Variants in UNC80 observed in about 807,000 individuals in gnomAD.
UNC80 encodes protein unc-80 homolog.
In UNC80, 164 loss-of-function variants were observed where a neutral mutation model predicts 384.6. The ratio of observed to expected loss-of-function variants is 0.43; its 90% CI spans 0.38 to 0.49. The LOEUF (loss-of-function observed/expected upper bound fraction) is 0.49, where lower values mean the gene tolerates loss of function less well. UNC80 is among the 20% of genes least tolerant of loss of function. The pLI is 0.00. For missense variants in UNC80, 3,330 were observed against 4,143.0 expected (o/e 0.80, Z 5.39); for synonymous variants, 1,486 against 1,527.8 (o/e 0.97, Z 0.64).
intron 31 of UNC80, 44 bp from the exon 32 acceptor site, chr2:209,917,733 C>A: frequency 6.5e-7 from 1 of 1,546,090 alleles, no homozygotes. Flanking sequence ...AGGAACTAAG[C>A]AATATTTTAA....
chr2:209,927,340 T>A (rs1281843329), intron 36 of UNC80, among the ~76,000 whole-genome samples: 3 of 152,256 alleles, frequency 2.0e-5, no homozygotes, highest in Non-Finnish European at 4.4e-5. Flanking sequence ...CTTACGTGAT[T>A]ACCTTTCCTG....
intron 4 of UNC80, among the ~76,000 whole-genome samples, chr2:209,778,970 C>G (rs922422921): frequency 6.6e-6 from 1 of 152,162 alleles, no homozygotes; most frequent in Non-Finnish European, 1.5e-5. Context: ...CTGTCCATTG[C>G]TAGGAGAAAT....
intron 13 of UNC80, among the ~76,000 whole-genome samples, chr2:209,821,054 A>G (rs2080099303): frequency 6.6e-6 from 1 of 151,560 alleles, no homozygotes; most frequent in Non-Finnish European, 1.5e-5. Context: ...AGCTGCCATA[A>G]CAAAATACCA....
intron 15 of UNC80, 99 bp from the exon 16 acceptor site, chr2:209,831,344 A>G (rs2080952126): frequency 8.0e-7 from 1 of 1,244,276 alleles, no homozygotes; most frequent in South Asian, 1.7e-5. Flanking sequence ...TATTTCACAT[A>G]GCACTTCACT....
intron 36 of UNC80, among the ~76,000 whole-genome samples, chr2:209,927,635 T>C (rs929482918): frequency 6.6e-6 from 1 of 152,182 alleles, no homozygotes; most frequent in African/African-American, 2.4e-5. Flanking sequence ...AATGAAAATA[T>C]CTATTGCTGG....
At chr2:209,798,724 C>T (rs562420706) in intron 7 of UNC80, among the ~76,000 whole-genome samples, 52 of 151,164 alleles carry the variant, frequency 3.4e-4, no homozygotes, top group Non-Finnish European at 7.5e-4. Flanking sequence ...GTCACCCAGG[C>T]TGGAATGCAG....
chr2:209,921,051 C>A (rs370880315), intron 33 of UNC80, among the ~76,000 whole-genome samples: 1 of 152,154 alleles, frequency 6.6e-6, no homozygotes, highest in African/African-American at 2.4e-5. Context: ...TGGTCTCGAA[C>A]TCCTCACCTC....
At chr2:209,946,405 A>G (rs541929493) in intron 47 of UNC80, among the ~76,000 whole-genome samples, 1 of 151,992 alleles carries the variant, frequency 6.6e-6, no homozygotes, top group African/African-American at 2.4e-5. Flanking sequence ...AAAGAAAAGG[A>G]AAGAAGAAAC....
chr2:209,937,003 C>T lies in UNC80; in HGVS notation c.6363+70C>T, dbSNP rs191565207. 65 of 1,096,276 alleles carry T rather than the reference C, an allele frequency of 5.9e-5. No homozygotes were observed. In the Admixed American group the frequency reaches 9.4e-4, roughly 16 times the overall value. 67.9% of individuals were successfully genotyped at this position (1,096,276 alleles called of 1,614,324 possible). On this transcript the variant is annotated intron_variant, in intron 41 of 64. Transcript: ENST00000673920. ...TTATCATGCCTACCTGAGGGTGGCT[C>T]ACAGTCAGGGAGGCATCGCTGTTTA...
At position 209,872,917 on chromosome 2, in the gene UNC80, C is replaced by T. The variant is rs864321622; in HGVS notation, c.3787C>T (p.Arg1263Ter). Residue 1263 changes from arginine to a stop codon, truncating the protein, a stop_gained, in exon 23 of 65, where the codon CGA becomes TGA. Coordinates refer to ENST00000673920, the MANE Select transcript of UNC80 (RefSeq NM_001371986.1). LOFTEE classifies it high-confidence loss of function. This position sits in a 1 kb window ranked among gnomAD's most constrained non-coding sequence, Gnocchi z 4.1. Reference protein sequence around the residue: ...RGRSPIVGNKRNQKLQWNAAK... With the variant: ...RGRSPIVGNK Reference sequence around the variant, plus strand: ...ACGCTCTCCCATTGTGGGCAACAAGCGAAACCAGAAGCTGCAGTGGAATGC... The same window carrying T: ...ACGCTCTCCCATTGTGGGCAACAAGTGAAACCAGAAGCTGCAGTGGAATGC... 4.5e-6 allele frequency: 7 copies of T among 1,551,568 alleles called. No homozygotes were observed. Among genetic ancestry groups the T allele is most frequent in the Admixed American group, 2.0e-5 (1 of 50,990 alleles).
intron 48 of UNC80, among the ~76,000 whole-genome samples, chr2:209,956,366 C>G (rs1458539533): frequency 4.2e-3 from 2 of 480 alleles, no homozygotes; most frequent in East Asian, 0.091. Context: ...GAACTTTTAT[C>G]TGAAGGCACT....
intron 22 of UNC80, among the ~76,000 whole-genome samples, chr2:209,871,830 G>A (rs1308960798): frequency 1.4e-4 from 21 of 145,902 alleles, no homozygotes; most frequent in African/African-American, 4.0e-4. Flanking sequence ...TTTTTTTCAA[G>A]CACATTTTGA....
intron 47 of UNC80, among the ~76,000 whole-genome samples, chr2:209,948,768 A>G (rs761920496): frequency 1.3e-5 from 2 of 152,126 alleles, no homozygotes; most frequent in Non-Finnish European, 2.9e-5. Flanking sequence ...CCAATATTTC[A>G]TCACTAAGAA....
chr2:209,903,657 T>C (rs1249765977), intron 28 of UNC80, among the ~76,000 whole-genome samples: 2 of 124,362 alleles, frequency 1.6e-5, no homozygotes, highest in African/African-American at 6.1e-5. Context: ...ATGTAATATA[T>C]ATATACTATA....
intron 24 of UNC80, 138 bp downstream of exon 24, chr2:209,878,227 G>A (rs1424197443): frequency 2.2e-6 from 2 of 901,844 alleles, no homozygotes; most frequent in Non-Finnish European, 3.1e-6. Context: ...CCTTTTCCCT[G>A]TGCATGGGTG....
At chr2:209,784,558 G>T (rs1312034497) in intron 4 of UNC80, among the ~76,000 whole-genome samples, 1 of 151,924 alleles carries the variant, frequency 6.6e-6, no homozygotes, top group East Asian at 1.9e-4. Context: ...CCTCTTTCAT[G>T]GAATACTTTT....
intron 22 of UNC80, among the ~76,000 whole-genome samples, chr2:209,867,127 C>T (rs1232530467): frequency 6.6e-6 from 1 of 152,156 alleles, no homozygotes; most frequent in Non-Finnish European, 1.5e-5. Flanking sequence ...TTATTTAAGA[C>T]CTGTGTTAGA....
chr2:209,793,695 A>C lies in UNC80; in HGVS notation c.799-25A>C, dbSNP rs763639938. 7.4e-6 allele frequency: 12 copies of C among 1,610,738 alleles called. No individual in the cohort carries two copies. The Middle Eastern group carries it at 6.6e-4, about 89-fold the overall frequency. ...AAACAAAAAACAAAAAACAAAACCT[A>C]ATCTGCTATCTCTGCCTCCAAAAGG... On this transcript the variant is annotated intron_variant, in intron 6 of 64. Transcript: ENST00000673920.
intron 21 of UNC80, among the ~76,000 whole-genome samples, chr2:209,848,062 A>G (rs1028984856): frequency 5.3e-5 from 8 of 152,210 alleles, no homozygotes; most frequent in African/African-American, 1.7e-4. Context: ...TGATTAATAA[A>G]GTGACATATA....
Sources: gnomAD v4.1 joint callset for allele counts (sites outside exome capture counted in the v4.1 genomes callset) on GRCh38, gnomAD v4.1.1 for gene constraint, Gnocchi (gnomAD v3.1) non-coding constraint, MANE v1.5 for transcripts, NCBI Gene and HGNC (gene_info 2026-07-23, HGNC 2026-07-21) for gene names.